The following ALLC variants were observed in gnomAD, a reference collection of about 807,000 sequenced individuals.
ALLC encodes the protein probable inactive allantoicase.
Under a neutral mutation model 45.0 loss-of-function variants are expected in ALLC, and 40 were observed. The ratio of observed to expected loss-of-function variants is 0.89; its 90% CI spans 0.69 to 1.16. The LOEUF is 1.16. ALLC is among the 50% of genes most tolerant of loss of function. ALLC has a pLI of 0.00. For synonymous variants in ALLC, 176 were observed against 178.1 expected (o/e 0.99, Z 0.09); for missense variants, 488 against 493.1 (o/e 0.99, Z 0.10).
At position 3,697,371 on chromosome 2, in the gene ALLC, G is replaced by T. The variant is rs1281619594; in HGVS notation, c.765G>T (p.Leu255Phe). The change falls in exon 10 of 12, where the codon TTG (leucine) becomes TTT (phenylalanine). Residue 255 changes from leucine to phenylalanine, a missense_variant. Coordinates refer to ENST00000252505, the MANE Select transcript of ALLC (RefSeq NM_018436.4). ...ILENDENGIL[L>F]VPGCEWAVFR... ...AGAATGATGAGAATGGCATTCTCTT[G>T]GTTCCGGGTTGTGAATGGGCAGTTT... is the stretch of plus-strand genomic sequence containing the variant. 6.2e-7 allele frequency: 1 copy of T among 1,613,810 alleles called. No homozygotes were observed. Among genetic ancestry groups the T allele is most frequent in the African/African-American group, 1.3e-5 (1 of 75,012 alleles).
rs73910325 is a variant in ALLC at position 3,666,864 on chromosome 2, C to A, written c.-62-4232C>A. Among the ~76,000 whole-genome samples the A allele has an allele frequency of 9.7e-3, 1,478 of 152,286 alleles. 30 individuals carry two copies. The highest frequency in any genetic ancestry group is 0.034 in the African/African-American group (1,415 of 41,534). ...CACAGTCCAGTCAAATCCTCTTTGACGACAGGCCTGTTCCACACCTGTGCT... is the reference window on the plus strand; with the variant it reads ...CACAGTCCAGTCAAATCCTCTTTGAAGACAGGCCTGTTCCACACCTGTGCT... On this transcript the variant is annotated intron_variant, in intron 1 of 11. Transcript: ENST00000252505.
chr2:3,655,063 A>T (rs1666411322), upstream of ALLC, among the ~76,000 whole-genome samples: 1 of 152,228 alleles, frequency 6.6e-6, no homozygotes, highest in Admixed American at 6.5e-5. Context: ...GCGGACAGGA[A>T]CTGCTTCCTC....
At chr2:3,651,973 C>T in the ALLC span, among the ~76,000 whole-genome samples, 5 of 152,226 alleles carry the variant, frequency 3.3e-5, no homozygotes, top group African/African-American at 1.2e-4. Flanking sequence ...GGTCACCAGA[C>T]GCAACCCGGC....
chr2:3,685,860 T>C (rs1156310992), intron 7 of ALLC, among the ~76,000 whole-genome samples: 2 of 151,020 alleles, frequency 1.3e-5, no homozygotes, highest in African/African-American at 4.8e-5. Context: ...AGCTATTGAG[T>C]TGTCCTTATA....
Position 3,681,723 on chromosome 2 carries a change from C to T in ALLC, c.378+10C>T. ...TGAAGCCATTGCTGAGGTACATCTCCCCCAAATGAATTGGGTCTTGTCACC... is the reference window on the plus strand; with the variant it reads ...TGAAGCCATTGCTGAGGTACATCTCTCCCAAATGAATTGGGTCTTGTCACC... On this transcript the variant is annotated intron_variant, in intron 6 of 11. Coordinates refer to ENST00000252505, the MANE Select transcript of ALLC (RefSeq NM_018436.4). The T allele has an allele frequency of 6.2e-7, 1 of 1,601,062 alleles. No homozygotes were observed. Among genetic ancestry groups the T allele is most frequent in the South Asian group, 1.1e-5 (1 of 88,718 alleles).
At chr2:3,663,153 A>G (rs1666616424) in intron 1 of ALLC, among the ~76,000 whole-genome samples, 1 of 152,250 alleles carries the variant, frequency 6.6e-6, no homozygotes, top group Admixed American at 6.5e-5. Context: ...TATCCATGAT[A>G]GCAAAGACAT....
At chr2:3,660,726 G>C (rs1034275237) in intron 1 of ALLC, among the ~76,000 whole-genome samples, 1 of 152,048 alleles carries the variant, frequency 6.6e-6, no homozygotes, top group Admixed American at 6.5e-5. Flanking sequence ...AATTCTGATT[G>C]GCTGATTTAA....
At chr2:3,661,281 C>T (rs952196349) in intron 1 of ALLC, among the ~76,000 whole-genome samples, 5 of 146,634 alleles carry the variant, frequency 3.4e-5, no homozygotes, top group Non-Finnish European at 7.5e-5. Context: ...GCTCCTGGCT[C>T]ATGGTACACA....
At chr2:3,670,096 G>A (rs1666825450) in intron 1 of ALLC, among the ~76,000 whole-genome samples, 1 of 152,152 alleles carries the variant, frequency 6.6e-6, no homozygotes, top group Non-Finnish European at 1.5e-5. Flanking sequence ...CTTCCAGCCC[G>A]CAGGTGTGAC....
At chr2:3,651,314 G>GTGT in the ALLC span, among the ~76,000 whole-genome samples, 8 of 4,926 alleles carry the variant, frequency 1.6e-3, 2 homozygotes, top group Admixed American at 0.014. Context: ...GTGGGTGGGT[G>GTGT]GGGGGGGTGT....
At chr2:3,650,715 C>T in the ALLC span, among the ~76,000 whole-genome samples, 3 of 152,182 alleles carry the variant, frequency 2.0e-5, no homozygotes, top group Non-Finnish European at 4.4e-5. Flanking sequence ...ACACCTCTGC[C>T]TCCACACTAC....
chr2:3,671,804 G>C (rs1471340596), intron 2 of ALLC, among the ~76,000 whole-genome samples: 1 of 140,374 alleles, frequency 7.1e-6, no homozygotes, highest in East Asian at 2.0e-4. Flanking sequence ...TCTGGCTCTG[G>C]TTAGATGGGA....
intron 10 of ALLC, among the ~76,000 whole-genome samples, 165 bp downstream of exon 10, chr2:3,697,621 G>GTCTGTCTGTCTGTCTATCTA (rs1354630765): frequency 8.8e-4 from 111 of 125,442 alleles, no homozygotes; most frequent in African/African-American, 2.9e-3. Flanking sequence ...CTGTCTGTCT[G>GTCTGTCTGTCTGTCTATCTA]TCTATCTATC....
At chr2:3,659,002 C>T (rs887183023) in intron 1 of ALLC, among the ~76,000 whole-genome samples, 11 of 152,104 alleles carry the variant, frequency 7.2e-5, no homozygotes. Flanking sequence ...TCAGGAGTCT[C>T]GTGCAGTTGA....
chr2:3,651,442 T>TGTGTGTGTGTG, the ALLC span, among the ~76,000 whole-genome samples: 285 of 25,582 alleles, frequency 0.011, 95 homozygotes, highest in Admixed American at 0.026. Context: ...TGTGTGTGTG[T>TGTGTGTGTGTG]TAGGAAGGGA....
the ALLC span, among the ~76,000 whole-genome samples, chr2:3,646,994 C>G: frequency 6.6e-6 from 1 of 152,128 alleles, no homozygotes; most frequent in Non-Finnish European, 1.5e-5. Flanking sequence ...GTCCCCACTT[C>G]TGGTCTCACA....
At chr2:3,647,153 C>T in the ALLC span, among the ~76,000 whole-genome samples, 4 of 152,204 alleles carry the variant, frequency 2.6e-5, no homozygotes, top group Middle Eastern at 3.4e-3. Context: ...AGGGGTTGCG[C>T]GTGTGATGAC....
chr2:3,688,309 C>T (rs1288493345), intron 7 of ALLC: 1 of 160,132 alleles, frequency 6.2e-6, no homozygotes, highest in Non-Finnish European at 1.4e-5. Context: ...TAGTGAGCTT[C>T]CATTCAGCTT....
Position 3,681,724 on chromosome 2 carries a change from C to T in ALLC, c.378+11C>T. ...GAAGCCATTGCTGAGGTACATCTCC[C>T]CCAAATGAATTGGGTCTTGTCACCA... is the stretch of plus-strand genomic sequence containing the variant. On this transcript the variant is annotated intron_variant, in intron 6 of 11. Coordinates refer to ENST00000252505, the MANE Select transcript of ALLC (RefSeq NM_018436.4). 6.2e-7 allele frequency: 1 copy of T among 1,600,474 alleles called. No individual in the cohort carries two copies. Among genetic ancestry groups the T allele is most frequent in the Non-Finnish European group, 8.5e-7 (1 of 1,172,002 alleles).
Sources: gnomAD v4.1 joint callset for allele counts (sites outside exome capture counted in the v4.1 genomes callset) on GRCh38, gnomAD v4.1.1 for gene constraint, MANE v1.5 for transcripts, NCBI Gene and HGNC (gene_info 2026-07-23, HGNC 2026-07-21) for gene names.